The following CYBA variants were observed in gnomAD, a reference collection of about 807,000 sequenced individuals.
The protein encoded by CYBA is cytochrome b-245 alpha chain.
Under a neutral mutation model 20.8 loss-of-function variants are expected in CYBA, and 21 were observed. The ratio of observed to expected loss-of-function variants is 1.01; its 90% CI spans 0.72 to 1.46. CYBA has a LOEUF of 1.46. CYBA is among the 40% of genes most tolerant of loss of function. The probability of loss-of-function intolerance (pLI) is 0.00; values close to 1 mark genes in which losing one functional copy is unlikely to be tolerated. For synonymous variants in CYBA, 164 were observed against 127.5 expected, an observed-to-expected ratio of 1.29 and a Z score of -1.93; for missense variants, 344 against 287.0, an observed-to-expected ratio of 1.20 and a Z score of -1.43.
intron 5 of CYBA, 28 bp downstream of exon 5, chr16:88,646,087 CG>C: frequency 6.5e-7 from 1 of 1,536,688 alleles, no homozygotes; most frequent in Non-Finnish European, 8.8e-7. Context: ...TGGGGGTGGC[CG>C]GGGCCGACCT....
chr16:88,643,325 C>G lies in CYBA; in HGVS notation c.*28G>C, dbSNP rs1367575261. 4 of 1,460,786 alleles carry G rather than the reference C, an allele frequency of 2.7e-6. No homozygotes were observed. The highest frequency in any genetic ancestry group is 3.6e-6 in the Non-Finnish European group (4 of 1,097,360). 90.5% of individuals were successfully genotyped at this position (1,460,786 alleles called of 1,614,324 possible). A position where few individuals can be genotyped will look rare whatever the true frequency, so the allele number is the denominator to read the frequency against. On this transcript the variant is annotated 3_prime_UTR_variant, in exon 6 of 6. Coordinates refer to ENST00000261623, the MANE Select transcript of CYBA (RefSeq NM_000101.4). This position sits in a 1 kb window ranked among gnomAD's most constrained non-coding sequence, Gnocchi z 4.3. ...CTGCATTTATTGCAGGTGGGTGCAC[C>G]TGGCGGGAGGGCAGGTCCGGGGCGA... is the stretch of plus-strand genomic sequence containing the variant.
chr16:88,643,610 C>A lies in CYBA; in HGVS notation c.370-39G>T, dbSNP rs1466430673. 1 of 1,498,638 alleles carries A rather than the reference C, an allele frequency of 6.7e-7. No homozygotes were observed. Among genetic ancestry groups the A allele is most frequent in the African/African-American group, 1.4e-5 (1 of 71,748 alleles). 92.8% of individuals were successfully genotyped at this position (1,498,638 alleles called of 1,614,324 possible). A position where few individuals can be genotyped will look rare whatever the true frequency, so the allele number is the denominator to read the frequency against. On this transcript the variant is annotated intron_variant, in intron 5 of 5. Coordinates refer to ENST00000261623, the MANE Select transcript of CYBA (RefSeq NM_000101.4). This position sits in a 1 kb window ranked among gnomAD's most constrained non-coding sequence, Gnocchi z 4.3. Reference sequence around the variant, plus strand: ...AAGGGTTGAGCCGCGCCCCAGCGCCCGCCCTCCCTCCCTCCCTCCCTCCCC... The same window carrying A: ...AAGGGTTGAGCCGCGCCCCAGCGCCAGCCCTCCCTCCCTCCCTCCCTCCCC...
intron 1 of CYBA, 67 bp from the exon 2 acceptor site, chr16:88,648,181 C>A: frequency 6.7e-7 from 1 of 1,498,138 alleles, no homozygotes; most frequent in Middle Eastern, 1.8e-4. Context: ...CCCCCCTTCT[C>A]TACCTACTGT....
At position 88,646,793 on chromosome 16, in the gene CYBA, A is replaced by G. The variant is rs953416471; in HGVS notation, c.249T>C (p.Phe83=). 2 of 1,613,774 alleles carry G rather than the reference A, an allele frequency of 1.2e-6. No individual in the cohort carries two copies. Among genetic ancestry groups the G allele is most frequent in the East Asian group, 4.5e-5 (2 of 44,890 alleles). Residue 83 remains phenylalanine, a synonymous_variant, in exon 4 of 6, where the codon TTT becomes TTC. Coordinates refer to ENST00000261623, the MANE Select transcript of CYBA (RefSeq NM_000101.4). The stretch of plus-strand genomic sequence containing the variant: ...CGGCCCGAACATAGTAATTCCTGGT[A>G]AAGGGCCCGAACAGCTTCACCACGG... ...MTAVVKLFGP[F]TRNYYVRAVL... is the part of the protein sequence containing the mutation.
At position 88,649,300 on chromosome 16, in the gene CYBA, G is replaced by A. The variant is rs541121150; in HGVS notation, c.59-1186C>T. 2.6e-5 allele frequency among the ~76,000 whole-genome samples: 4 copies of A among 152,312 alleles called. No individual in the cohort carries two copies. In the South Asian group the frequency reaches 6.2e-4, roughly 24 times the overall value. On this transcript the variant is annotated intron_variant, in intron 1 of 5. Transcript: ENST00000261623. ...ATTTCCTATCCTTGGTTTGAGCCCA[G>A]CTACACATTAACTCTCTGGGTTTGT... is the stretch of plus-strand genomic sequence containing the variant.
At position 88,643,596 on chromosome 16, in the gene CYBA, C is replaced by T. The variant is rs777047009; in HGVS notation, c.370-25G>A. The T allele has an allele frequency of 3.1e-5, 47 of 1,526,800 alleles. No homozygotes were observed. The highest frequency in any genetic ancestry group is 3.5e-5 in the Non-Finnish European group (40 of 1,141,194). 94.6% of individuals were successfully genotyped at this position (1,526,800 alleles called of 1,614,324 possible). On this transcript the variant is annotated intron_variant, in intron 5 of 5. Transcript: ENST00000261623. This position sits in a 1 kb window ranked among gnomAD's most constrained non-coding sequence, Gnocchi z 4.3. ...CCTGCGGGGCACTGAAGGGTTGAGC[C>T]GCGCCCCAGCGCCCGCCCTCCCTCC... is the stretch of plus-strand genomic sequence containing the variant.
At chr16:88,647,663 T>A in intron 2 of CYBA, 1 of 384,444 alleles carries the variant, frequency 2.6e-6, no homozygotes. Context: ...GTGCTCCTTG[T>A]CGCAAGGTCC....
At chr16:88,648,998 C>T (rs564258748) in intron 1 of CYBA, among the ~76,000 whole-genome samples, 26 of 146,362 alleles carry the variant, frequency 1.8e-4, no homozygotes, top group African/African-American at 5.3e-4. Flanking sequence ...AGTTCCGTGG[C>T]GTGATCTCAG....
chr16:88,647,921 G>A lies in CYBA; in HGVS notation c.128+124C>T. On this transcript the variant is annotated intron_variant, in intron 2 of 5. Transcript: ENST00000261623. ...GCCTGGGCTGCCCAACCCGTGCACA[G>A]CCCACCCTGTGTCCCAGCCTGGCTG... is the stretch of plus-strand genomic sequence containing the variant. 4.1e-6 allele frequency: 4 copies of A among 976,164 alleles called. No homozygotes were observed. In the South Asian group the frequency reaches 4.2e-5, roughly 10 times the overall value. The allele number at this position is 976,164 out of a possible 1,614,324, so 60.5% of individuals were successfully genotyped here.
chr16:88,646,705 C>T lies in CYBA; in HGVS notation c.287+50G>A, dbSNP rs375705602. ...CGGCCGGTGGGACAGTGGGGAGGGT[C>T]GGCTCCAAGCCCTCCTGAGCCCTAG... On this transcript the variant is annotated intron_variant, in intron 4 of 5. Coordinates refer to ENST00000261623, the MANE Select transcript of CYBA (RefSeq NM_000101.4). The T allele has an allele frequency of 2.3e-5, 35 of 1,518,204 alleles. No homozygotes were observed. In the African/African-American group the frequency reaches 2.5e-4, roughly 11 times the overall value. The allele number at this position is 1,518,204 out of a possible 1,614,324, so 94.0% of individuals were successfully genotyped here.
chr16:88,645,914 C>A, intron 5 of CYBA: 1 of 602,094 alleles, frequency 1.7e-6, no homozygotes, highest in Non-Finnish European at 3.0e-6. Context: ...AAGGAAATGA[C>A]CCGACACACT....
chr16:88,648,193 G>T (rs1907359390), intron 1 of CYBA, 79 bp from the exon 2 acceptor site: 8 of 1,348,848 alleles, frequency 5.9e-6, no homozygotes, highest in Non-Finnish European at 7.2e-6. Flanking sequence ...ACCTACTGTG[G>T]GCCACCAGGC....
In CYBA at chr16:88,643,962, C is replaced by T. The variant is rs1363551824; in HGVS notation, c.370-391G>A. Among the ~76,000 whole-genome samples the T allele has an allele frequency of 2.0e-5, 3 of 152,126 alleles. No individual in the cohort carries two copies. Among genetic ancestry groups the T allele is most frequent in the Non-Finnish European group, 2.9e-5 (2 of 68,000 alleles). ...CCCAGGAGAGTAGCAGGCCCTGCTC[C>T]GTCTGGTGGGCGCCATTCACCCACG... On this transcript the variant is annotated intron_variant, in intron 5 of 5. Transcript: ENST00000261623. This position sits in a 1 kb window ranked among gnomAD's most constrained non-coding sequence, Gnocchi z 4.3.
intron 5 of CYBA, among the ~76,000 whole-genome samples, chr16:88,644,573 C>T (rs1907208313): frequency 6.6e-6 from 1 of 152,206 alleles, no homozygotes; most frequent in Admixed American, 6.5e-5. Context: ...GCCTGTAATC[C>T]CAGCACTTTG....
chr16:88,648,454 C>A (rs903563598), intron 1 of CYBA, among the ~76,000 whole-genome samples: 22 of 152,188 alleles, frequency 1.4e-4, no homozygotes, highest in African/African-American at 5.3e-4. Context: ...GCACTGAAAG[C>A]TAACAGGCCG....
rs1907144287 is a variant in CYBA, at chr16:88,643,301, T to TGA, written c.*51_*52insTC. 4.5e-6 allele frequency: 6 copies of TGA among 1,338,986 alleles called. No individual in the cohort carries two copies. Among genetic ancestry groups the TGA allele is most frequent in the Non-Finnish European group, 6.0e-6 (6 of 1,004,404 alleles). 82.9% of individuals were successfully genotyped at this position (1,338,986 alleles called of 1,614,324 possible). A position where few individuals can be genotyped will look rare whatever the true frequency, so the allele number is the denominator to read the frequency against. ...GAGGCTCACGCGCTCCCGGCTTCGC[T>TGA]GCATTTATTGCAGGTGGGTGCACCT... On this transcript the variant is annotated 3_prime_UTR_variant, in exon 6 of 6. Transcript: ENST00000261623. This position sits in a 1 kb window ranked among gnomAD's most constrained non-coding sequence, Gnocchi z 4.3.
intron 1 of CYBA, among the ~76,000 whole-genome samples, chr16:88,648,903 G>A (rs1016718084): frequency 1.4e-5 from 2 of 139,288 alleles, no homozygotes; most frequent in Non-Finnish European, 3.1e-5. Flanking sequence ...ACAGGCATGA[G>A]CCACGGCGCC....
intron 4 of CYBA, 33 bp from the exon 5 acceptor site, chr16:88,646,230 G>C (rs1335757602): frequency 1.7e-6 from 2 of 1,170,998 alleles, no homozygotes; most frequent in Non-Finnish European, 1.1e-6. Flanking sequence ...CAGGGACACA[G>C]AAGGGCACTC....
intron 2 of CYBA, chr16:88,647,719 G>C (rs954963137): frequency 2.2e-6 from 1 of 462,462 alleles, no homozygotes. Context: ...TAGAGGGGCC[G>C]GTCAAGGGGG....
Sources: allele counts gnomAD v4.1 joint callset (sites outside exome capture counted in the v4.1 genomes callset), GRCh38; gene constraint gnomAD v4.1.1; non-coding constraint Gnocchi (gnomAD v3.1); transcripts MANE v1.5; gene names NCBI Gene and HGNC (gene_info 2026-07-23, HGNC 2026-07-21).